TEAD1: variants seen among roughly 807,000 people sequenced by gnomAD.
The protein encoded by TEAD1 is transcriptional enhancer factor TEF-1.
A neutral mutation model predicts 54.9 loss-of-function variants in TEAD1; 9 were observed. The ratio of observed to expected loss-of-function variants is 0.16; its 90% CI spans 0.10 to 0.29. The LOEUF (loss-of-function observed/expected upper bound fraction) is 0.29. Among genes scored for constraint, TEAD1 ranks in the 10% least tolerant of loss-of-function variants. The pLI, the probability that TEAD1 is intolerant of heterozygous loss-of-function variation, is 1.00. For synonymous variants in TEAD1, 200 were observed against 187.8 expected, an observed-to-expected ratio of 1.07 and a Z score of -0.53; for missense variants, 387 against 535.9, an observed-to-expected ratio of 0.72 and a Z score of 2.74.
chr11:12,880,941 G>C (rs1947953952), intron 6 of TEAD1, 64 bp from the exon 7 acceptor site: 1 of 1,573,870 alleles, frequency 6.4e-7, no homozygotes, highest in Non-Finnish European at 8.7e-7. Flanking sequence ...GTGATGCGTA[G>C]GCATCCTAAA....
intron 3 of TEAD1, among the ~76,000 whole-genome samples, chr11:12,824,433 G>C (rs1207860543): frequency 1.3e-5 from 2 of 152,180 alleles, no homozygotes; most frequent in African/African-American, 4.8e-5. Flanking sequence ...TGAACACCCA[G>C]CTATGCCTCT....
chr11:12,936,344 A>C (rs1267116735), intron 12 of TEAD1, among the ~76,000 whole-genome samples: 2 of 152,188 alleles, frequency 1.3e-5, no homozygotes, highest in Non-Finnish European at 2.9e-5. Flanking sequence ...TTCACAATAC[A>C]TTTTGAAAGA....
At chr11:12,741,272 C>T (rs2133892726) in intron 2 of TEAD1, among the ~76,000 whole-genome samples, 1 of 152,016 alleles carries the variant, frequency 6.6e-6, no homozygotes, top group South Asian at 2.1e-4. Context: ...TCTTCTTCAT[C>T]ATATTATAGT....
intron 3 of TEAD1, among the ~76,000 whole-genome samples, chr11:12,820,244 C>T (rs966805512): frequency 2.6e-5 from 4 of 152,062 alleles, no homozygotes; most frequent in Admixed American, 1.3e-4. Context: ...TTTTTCAACC[C>T]GCTAGACACT....
intron 3 of TEAD1, among the ~76,000 whole-genome samples, chr11:12,856,442 A>G (rs1450936654): frequency 6.6e-6 from 1 of 152,174 alleles, no homozygotes; most frequent in Non-Finnish European, 1.5e-5. Flanking sequence ...TGGTAGGTTC[A>G]TGAAGGATGA....
chr11:12,900,388 T>C (rs1470594450), intron 9 of TEAD1, among the ~76,000 whole-genome samples: 1 of 152,234 alleles, frequency 6.6e-6, no homozygotes, highest in Non-Finnish European at 1.5e-5. Flanking sequence ...TACGCTAGTA[T>C]TTACTGTGAA....
intron 2 of TEAD1, among the ~76,000 whole-genome samples, chr11:12,700,189 C>G (rs1943667765): frequency 6.6e-6 from 1 of 152,070 alleles, no homozygotes; most frequent in Non-Finnish European, 1.5e-5. Flanking sequence ...ATTAGCATCA[C>G]CCATTTAAGC....
At chr11:12,785,183 T>C (rs1263799467) in intron 3 of TEAD1, among the ~76,000 whole-genome samples, 1 of 152,164 alleles carries the variant, frequency 6.6e-6, no homozygotes, top group African/African-American at 2.4e-5. Context: ...GCATGTGCTC[T>C]GGGTAAGTGG....
At chr11:12,706,872 G>A (rs1943827588) in intron 2 of TEAD1, among the ~76,000 whole-genome samples, 1 of 152,192 alleles carries the variant, frequency 6.6e-6, no homozygotes. Context: ...CTTCTTCCAG[G>A]CAAGAGCAGG....
intron 3 of TEAD1, among the ~76,000 whole-genome samples, chr11:12,840,110 G>A (rs1456343070): frequency 4.6e-5 from 7 of 151,866 alleles, no homozygotes; most frequent in African/African-American, 9.7e-5. Context: ...AGCCAGGTGT[G>A]GTGGCGGGCG....
intron 3 of TEAD1, among the ~76,000 whole-genome samples, chr11:12,855,195 C>G (rs1198076270): frequency 1.3e-5 from 2 of 152,220 alleles, no homozygotes; most frequent in Non-Finnish European, 2.9e-5. Context: ...TAGACCTCTC[C>G]CAAGACAGTG....
chr11:12,856,601 G>T (rs943781468), intron 3 of TEAD1, among the ~76,000 whole-genome samples: 2 of 152,144 alleles, frequency 1.3e-5, no homozygotes, highest in Non-Finnish European at 2.9e-5. Flanking sequence ...TGAGCGGGGT[G>T]GGGGGATATG....
At chr11:12,875,305 A>G (rs1030533843) in intron 5 of TEAD1, among the ~76,000 whole-genome samples, 1 of 152,242 alleles carries the variant, frequency 6.6e-6, no homozygotes, top group African/African-American at 2.4e-5. Context: ...AACCAGAGTG[A>G]CACAGAGGAG....
intron 9 of TEAD1, among the ~76,000 whole-genome samples, chr11:12,891,249 C>T (rs574681227): frequency 2.0e-5 from 3 of 152,320 alleles, no homozygotes; most frequent in Admixed American, 2.0e-4. Flanking sequence ...AGTGCATATA[C>T]AATCTAATAT....
chr11:12,837,779 C>CTCCT (rs1946934151), intron 3 of TEAD1, among the ~76,000 whole-genome samples: 1 of 138,570 alleles, frequency 7.2e-6, no homozygotes, highest in African/African-American at 2.7e-5. Context: ...CCTTCTCTTC[C>CTCCT]TCTTCTTCCT....
intron 10 of TEAD1, among the ~76,000 whole-genome samples, chr11:12,911,244 A>G (rs921801800): frequency 6.6e-6 from 1 of 152,248 alleles, no homozygotes; most frequent in African/African-American, 2.4e-5. Context: ...GTCACTCTAC[A>G]TAAAACTGGG....
intron 10 of TEAD1, among the ~76,000 whole-genome samples, chr11:12,915,770 G>A (rs1948701424): frequency 1.3e-5 from 2 of 152,196 alleles, no homozygotes; most frequent in Admixed American, 1.3e-4. Context: ...CTTGAACCCA[G>A]AAGGTCGAGG....
At chr11:12,829,727 G>T (rs1946733280) in intron 3 of TEAD1, among the ~76,000 whole-genome samples, 1 of 152,214 alleles carries the variant, frequency 6.6e-6, no homozygotes, top group Non-Finnish European at 1.5e-5. Context: ...TAGGCCCAGT[G>T]AACTCAGTCA....
chr11:12,813,343 T>A (rs1004795021), intron 3 of TEAD1, among the ~76,000 whole-genome samples: 1 of 152,078 alleles, frequency 6.6e-6, no homozygotes, highest in Non-Finnish European at 1.5e-5. Flanking sequence ...CCTTTAAGAG[T>A]GCCTCAAGTG....
Sources: gnomAD v4.1 joint callset for allele counts (sites outside exome capture counted in the v4.1 genomes callset) on GRCh38, gnomAD v4.1.1 for gene constraint, MANE v1.5 for transcripts, NCBI Gene and HGNC (gene_info 2026-07-23, HGNC 2026-07-21) for gene names.